KIF2A: variants seen among roughly 807,000 people sequenced by gnomAD.
KIF2A encodes the protein kinesin family member 2A.
A neutral mutation model predicts 100.2 loss-of-function variants in KIF2A; 22 were observed. The ratio of observed to expected loss-of-function variants is 0.22; its 90% CI spans 0.16 to 0.31. KIF2A has a LOEUF of 0.31. Ranked by LOEUF, KIF2A falls within the 10% of genes least tolerant of loss-of-function variation. The probability of loss-of-function intolerance (pLI) is 1.00; values close to 1 mark genes in which losing one functional copy is unlikely to be tolerated. For missense variants in KIF2A, 495 were observed against 898.7 expected, an observed-to-expected ratio of 0.55 and a Z score of 5.74; for synonymous variants, 268 against 285.9, an observed-to-expected ratio of 0.94 and a Z score of 0.63.
chr5:62,357,605 C>T (rs562578905), intron 7 of KIF2A, 86 bp from the exon 8 acceptor site: 2 of 639,396 alleles, frequency 3.1e-6, no homozygotes, highest in African/African-American at 3.8e-5. Context: ...ATTTCTAAAA[C>T]CCCTGGAGGA....
intron 1 of KIF2A, among the ~76,000 whole-genome samples, chr5:62,309,968 T>C (rs545698318): frequency 6.6e-6 from 1 of 151,528 alleles, no homozygotes; most frequent in African/African-American, 2.4e-5. Context: ...GTCTGTAACT[T>C]TTTTTTTTCC....
At chr5:62,381,952 G>A (rs1580105973) in intron 20 of KIF2A, among the ~76,000 whole-genome samples, 3 of 152,326 alleles carry the variant, frequency 2.0e-5, no homozygotes, top group African/African-American at 4.8e-5. Context: ...TACCTACTAA[G>A]TCGTGTCTTT....
In KIF2A at chr5:62,372,462, A is replaced by C; in HGVS notation, c.1671A>C (p.Pro557=). 1.9e-6 allele frequency: 3 copies of C among 1,611,024 alleles called. No homozygotes were observed. Among genetic ancestry groups the C allele is most frequent in the Non-Finnish European group, 2.5e-6 (3 of 1,177,572 alleles). The change falls in exon 17 of 21, where the codon CCA becomes CCC. Residue 557 remains proline (P), a synonymous_variant. Coordinates refer to ENST00000407818, the MANE Select transcript of KIF2A (RefSeq NM_001098511.3). ...ANRVKEFGIS[P]SDIPFSQGSG... ...GAGTAAAGGAGTTTGGAATTAGTCC[A>C]TCAGACATTCCCTTCTCACAGGGTA...
At chr5:62,376,666 C>T (rs894395728) in intron 18 of KIF2A, among the ~76,000 whole-genome samples, 6 of 152,144 alleles carry the variant, frequency 3.9e-5, no homozygotes, top group Admixed American at 6.6e-5. Flanking sequence ...AGTGATCCGC[C>T]CGCCTCAGCC....
Position 62,306,227 on chromosome 5 carries a change from C to G in KIF2A, c.-246C>G. 2.2e-6 allele frequency: 1 copy of G among 462,752 alleles called. No individual in the cohort carries two copies. The highest frequency in any genetic ancestry group is 3.8e-5 in the East Asian group (1 of 26,024). 28.7% of individuals were successfully genotyped at this position (462,752 alleles called of 1,614,324 possible). On this transcript the variant is annotated 5_prime_UTR_variant, in exon 1 of 21. Coordinates refer to ENST00000407818, the MANE Select transcript of KIF2A (RefSeq NM_001098511.3). ...TCCCACTCTACCCCGCGCCGTCTCACGGCCCCGGCCCTAGCTTCACCCCGA... is the reference window on the plus strand; with the variant it reads ...TCCCACTCTACCCCGCGCCGTCTCAGGGCCCCGGCCCTAGCTTCACCCCGA...
chr5:62,308,735 C>G (rs992583489), intron 1 of KIF2A, among the ~76,000 whole-genome samples: 3 of 152,010 alleles, frequency 2.0e-5, no homozygotes, highest in African/African-American at 7.2e-5. Context: ...AGCTAAAATA[C>G]ACAGAACGAA....
chr5:62,343,695 T>C (rs1005976982), intron 1 of KIF2A, among the ~76,000 whole-genome samples: 3 of 152,140 alleles, frequency 2.0e-5, no homozygotes, highest in African/African-American at 7.2e-5. Context: ...GGAAGACTAG[T>C]TGGGAGAGTA....
At chr5:62,347,500 G>GT in intron 2 of KIF2A, among the ~76,000 whole-genome samples, 1 of 152,118 alleles carries the variant, frequency 6.6e-6, no homozygotes, top group Non-Finnish European at 1.5e-5. Flanking sequence ...TAATTATGTG[G>GT]TTCTATTGGT....
At chr5:62,369,343 A>C (rs1741216979) in intron 16 of KIF2A, among the ~76,000 whole-genome samples, 1 of 152,196 alleles carries the variant, frequency 6.6e-6, no homozygotes, top group South Asian at 2.1e-4. Context: ...GTGAAGGGGA[A>C]GCAAGGCACC....
chr5:62,329,001 C>T (rs1271990709), intron 1 of KIF2A, among the ~76,000 whole-genome samples: 1 of 152,078 alleles, frequency 6.6e-6, no homozygotes. Context: ...CATCCCTTTT[C>T]AAAACAATAG....
chr5:62,344,936 A>G (rs186913179), intron 1 of KIF2A, among the ~76,000 whole-genome samples: 2 of 152,178 alleles, frequency 1.3e-5, no homozygotes, highest in Admixed American at 6.5e-5. Flanking sequence ...GGATTTTTAT[A>G]TGAGCTCATA....
At chr5:62,374,611 CAACTTTAAAA>C (rs920425975) in intron 18 of KIF2A, among the ~76,000 whole-genome samples, 2 of 151,962 alleles carry the variant, frequency 1.3e-5, no homozygotes, top group African/African-American at 4.8e-5. Context: ...TAGGGGAAAA[CAACTTTAAAA>C]ATTACACATA....
Position 62,337,658 on chromosome 5 carries a change from C to T in KIF2A, c.65-9472C>T, listed in dbSNP as rs184399797. On this transcript the variant is annotated intron_variant, in intron 1 of 20. Transcript: ENST00000407818. ...GACCAGCGTGGTCAACATAGCGAAA[C>T]CCTGTCTCTACAAAAAATTTGCCAG... Among the ~76,000 whole-genome samples, 230 of 152,026 alleles carry T rather than the reference C, an allele frequency of 1.5e-3. 1 individual carries two copies. The highest frequency in any genetic ancestry group is 5.2e-3 in the African/African-American group (217 of 41,440).
intron 8 of KIF2A, 87 bp downstream of exon 8, chr5:62,357,832 A>G: frequency 1.2e-6 from 1 of 846,018 alleles, no homozygotes; most frequent in South Asian, 1.6e-5. Flanking sequence ...TTGGTTTGGA[A>G]AAAATGTAAA....
Position 62,306,258 on chromosome 5 carries a change from C to G in KIF2A, c.-215C>G. On this transcript the variant is annotated 5_prime_UTR_variant, in exon 1 of 21. Transcript: ENST00000407818. The stretch of plus-strand genomic sequence containing the variant: ...CGGCCCTAGCTTCACCCCGACTACC[C>G]GGCGTGCGCGTCCTCCTGCCGGCCT... 1.9e-6 allele frequency: 1 copy of G among 531,890 alleles called. No individual in the cohort carries two copies. Among genetic ancestry groups the G allele is most frequent in the Non-Finnish European group, 3.3e-6 (1 of 302,772 alleles). The allele number at this position is 531,890 out of a possible 1,614,324, so 32.9% of individuals were successfully genotyped here. A position where few individuals can be genotyped will look rare whatever the true frequency, so the allele number is the denominator to read the frequency against.
chr5:62,319,883 ATATGTATG>A (rs558899501), intron 1 of KIF2A, among the ~76,000 whole-genome samples: 2 of 149,242 alleles, frequency 1.3e-5, no homozygotes, highest in African/African-American at 2.4e-5. Context: ...AAAATGATAT[ATATGTATG>A]TATGTATGTA....
rs201763334 is a variant in KIF2A at position 62,368,094 on chromosome 5, CT to C, written c.1646+1615del. Among the ~76,000 whole-genome samples, 1,461 of 152,108 alleles carry C rather than the reference CT, an allele frequency of 9.6e-3. 11 individuals carry two copies. Among genetic ancestry groups the C allele is most frequent in the Non-Finnish European group, 0.016 (1,075 of 68,006 alleles). ...TGATTAATTAAATGGATAATGGATA[CT>C]TATAAAGTAAAAACTCCTGTCATTG... On this transcript the variant is annotated intron_variant, in intron 16 of 20. Transcript: ENST00000407818.
Position 62,389,401 on chromosome 5 carries a change from G to C in KIF2A, c.*3832G>C, listed in dbSNP as rs1304597515. Among the ~76,000 whole-genome samples the C allele has an allele frequency of 6.6e-6, 1 of 150,674 alleles. No individual in the cohort carries two copies. Among genetic ancestry groups the C allele is most frequent in the Non-Finnish European group, 1.5e-5 (1 of 67,902 alleles). ...CTCGGGTGGTTGAGGCAGGAGATTT[G>C]CCTGAACCCAGGAGGCGGAGGTTGC... On this transcript the variant is annotated 3_prime_UTR_variant, in exon 21 of 21. Transcript: ENST00000407818.
intron 1 of KIF2A, among the ~76,000 whole-genome samples, chr5:62,337,231 G>C (rs994798661): frequency 6.6e-6 from 1 of 152,084 alleles, no homozygotes; most frequent in African/African-American, 2.4e-5. Flanking sequence ...GTGGCTCATG[G>C]CTGCAATCCC....
Sources: allele counts gnomAD v4.1 joint callset (sites outside exome capture counted in the v4.1 genomes callset), GRCh38; gene constraint gnomAD v4.1.1; transcripts MANE v1.5; gene names NCBI Gene and HGNC (gene_info 2026-07-23, HGNC 2026-07-21).